POU2AF3: variants seen among roughly 807,000 people sequenced by gnomAD.
POU2AF3 encodes cancer susceptibility candidate 13.
chr11:111,301,613 A>C, the POU2AF3 span, among the ~76,000 whole-genome samples: 1 of 152,252 alleles, frequency 6.6e-6, no homozygotes, highest in African/African-American at 2.4e-5. Flanking sequence ...TTCCAGAACC[A>C]GATGGACTGG....
At chr11:111,308,632 G>T in the POU2AF3 span, 1 of 430,056 alleles carries the variant, frequency 2.3e-6, no homozygotes. Flanking sequence ...TACTTTGTAT[G>T]CTCATAGTTT....
chr11:111,306,269 C>G, the POU2AF3 span: 3 of 473,784 alleles, frequency 6.3e-6, no homozygotes, highest in Non-Finnish European at 1.1e-5. Context: ...TTCCCGTTTA[C>G]TTTTCTGGAT....
the POU2AF3 span, among the ~76,000 whole-genome samples, chr11:111,303,856 C>T: frequency 4.4e-3 from 657 of 149,064 alleles, 12 homozygotes; most frequent in Admixed American, 0.033. Context: ...CAGAGCAATA[C>T]GGGTACCTTT....
chr11:111,298,826 G>GCGGGGGGGGGGGC, the POU2AF3 span: 3 of 790,962 alleles, frequency 3.8e-6, no homozygotes, highest in Non-Finnish European at 5.1e-6. Context: ...CGTACCCCAG[G>GCGGGGGGGGGGGC]CCCCCGCCCG....
chr11:111,306,601 C>G, the POU2AF3 span: 2 of 1,551,562 alleles, frequency 1.3e-6, no homozygotes, highest in African/African-American at 2.7e-5. Flanking sequence ...CAGGCCACCC[C>G]TTTCTGCTTT....
At chr11:111,301,241 G>A in the POU2AF3 span, among the ~76,000 whole-genome samples, 913 of 152,302 alleles carry the variant, frequency 6.0e-3, 7 homozygotes, top group Non-Finnish European at 9.5e-3. Flanking sequence ...GCAGTCATAA[G>A]GGTATACCCT....
At chr11:111,303,489 A>C in the POU2AF3 span, among the ~76,000 whole-genome samples, 2 of 152,194 alleles carry the variant, frequency 1.3e-5, no homozygotes, top group African/African-American at 2.4e-5. Context: ...GATAATATCA[A>C]GTAGGATATT....
the POU2AF3 span, chr11:111,308,126 T>C: frequency 6.5e-7 from 1 of 1,548,672 alleles, no homozygotes; most frequent in Admixed American, 2.0e-5. Flanking sequence ...CTACAGTTAC[T>C]CGCCAGTGCA....
chr11:111,299,030 C>A, the POU2AF3 span: 1 of 992,120 alleles, frequency 1.0e-6, no homozygotes, highest in Non-Finnish European at 1.2e-6. Context: ...AGTCCGGAGC[C>A]GATCGGGGAA....
chr11:111,308,474 A>T, the POU2AF3 span: 1 of 1,500,764 alleles, frequency 6.7e-7, no homozygotes, highest in South Asian at 1.3e-5. Flanking sequence ...GCATGGGTAT[A>T]TCTATTTTTC....
chr11:111,299,783 A>T, the POU2AF3 span: 1 of 1,164,214 alleles, frequency 8.6e-7, no homozygotes, highest in Non-Finnish European at 1.1e-6. Flanking sequence ...GGAGGAGGGC[A>T]AGATGGAGCG....
the POU2AF3 span, chr11:111,298,739 C>T: frequency 9.2e-7 from 1 of 1,090,238 alleles, no homozygotes; most frequent in East Asian, 3.2e-5. Flanking sequence ...ACGCGAGCCA[C>T]GCTGTGGCCG....
At chr11:111,300,927 G>C in the POU2AF3 span, among the ~76,000 whole-genome samples, 2 of 152,174 alleles carry the variant, frequency 1.3e-5, no homozygotes, top group African/African-American at 4.8e-5. Context: ...AGTATACATC[G>C]TTTTGTTAGG....
the POU2AF3 span, chr11:111,299,651 C>T: frequency 1.6e-6 from 2 of 1,229,804 alleles, no homozygotes; most frequent in Non-Finnish European, 2.0e-6. Context: ...CGGCTTTCCC[C>T]AGCTCGCGCT....
At chr11:111,298,950 C>G in the POU2AF3 span, 1 of 1,029,360 alleles carries the variant, frequency 9.7e-7, no homozygotes, top group Non-Finnish European at 1.2e-6. Context: ...GGGGGCAGAG[C>G]GCACCGACTG....
the POU2AF3 span, among the ~76,000 whole-genome samples, chr11:111,307,222 T>C: frequency 6.6e-6 from 1 of 151,992 alleles, no homozygotes; most frequent in African/African-American, 2.4e-5. Flanking sequence ...TCTCAAATGT[T>C]TGAAAATGTG....
chr11:111,308,331 C>G, the POU2AF3 span: 4 of 1,551,750 alleles, frequency 2.6e-6, no homozygotes, highest in South Asian at 3.6e-5. Flanking sequence ...CTCCAGGCAG[C>G]AGAGTACTTC....
At chr11:111,306,535 C>A in the POU2AF3 span, 1 of 1,551,346 alleles carries the variant, frequency 6.4e-7, no homozygotes, top group Non-Finnish European at 8.7e-7. Flanking sequence ...GAGATGCACC[C>A]GGAGCCTTTG....
chr11:111,306,363 C>T, the POU2AF3 span: 1 of 1,326,628 alleles, frequency 7.5e-7, no homozygotes, highest in Non-Finnish European at 9.9e-7. Flanking sequence ...AATTTTTATG[C>T]AAAAACCTGC....
Sources: gnomAD v4.1 joint callset for allele counts (sites outside exome capture counted in the v4.1 genomes callset) on GRCh38, gnomAD v4.1.1 for gene constraint, MANE v1.5 for transcripts, NCBI Gene and HGNC (gene_info 2026-07-23, HGNC 2026-07-21) for gene names.